DNAJC6: variants seen among roughly 807,000 people sequenced by gnomAD.
DNAJC6 encodes the protein auxilin.
Under a neutral mutation model 110.0 loss-of-function variants are expected in DNAJC6, and 34 were observed. That is an observed-to-expected ratio of 0.31 (90% CI 0.24 to 0.41). The LOEUF is 0.41. Ranked by LOEUF, DNAJC6 falls within the 10% of genes least tolerant of loss-of-function variation. The pLI is 1.00. For synonymous variants in DNAJC6, 406 were observed against 437.2 expected (o/e 0.93, Z 0.89); for missense variants, 1,031 against 1,207.8 (o/e 0.85, Z 2.17).
intron 5 of DNAJC6, among the ~76,000 whole-genome samples, chr1:65,383,135 G>A (rs1196905724): frequency 6.6e-6 from 1 of 152,204 alleles, no homozygotes; most frequent in Non-Finnish European, 1.5e-5. Flanking sequence ...TCAAGTATGA[G>A]TAATCTCCCT....
At chr1:65,407,818 T>G (rs1646091701) in intron 16 of DNAJC6, among the ~76,000 whole-genome samples, 1 of 152,242 alleles carries the variant, frequency 6.6e-6, no homozygotes, top group African/African-American at 2.4e-5. Flanking sequence ...GGTATGTGTA[T>G]GTCTTACAGT....
chr1:65,295,295 T>C (rs555106340), intron 1 of DNAJC6, among the ~76,000 whole-genome samples: 1 of 152,214 alleles, frequency 6.6e-6, no homozygotes, highest in South Asian at 2.1e-4. Context: ...TACTTCTCCC[T>C]CCTCAGCAGC....
chr1:65,366,526 A>G (rs1464828896), intron 4 of DNAJC6, among the ~76,000 whole-genome samples: 1 of 152,214 alleles, frequency 6.6e-6, no homozygotes, highest in Non-Finnish European at 1.5e-5. Flanking sequence ...GGCTGCCTTC[A>G]TGCTGTTACA....
At chr1:65,396,028 A>T (rs1048928014) in intron 13 of DNAJC6, among the ~76,000 whole-genome samples, 11 of 152,216 alleles carry the variant, frequency 7.2e-5, no homozygotes, top group African/African-American at 2.7e-4. Flanking sequence ...TCATCAGTTG[A>T]CTTTGGGAAA....
At chr1:65,387,160 A>G (rs1557555699) in intron 8 of DNAJC6, among the ~76,000 whole-genome samples, 1 of 152,202 alleles carries the variant, frequency 6.6e-6, no homozygotes, top group East Asian at 1.9e-4. Context: ...CCAGAGGATG[A>G]CAGCCCTGGA....
At chr1:65,316,046 A>C (rs180987842) in intron 1 of DNAJC6, among the ~76,000 whole-genome samples, 1 of 152,378 alleles carries the variant, frequency 6.6e-6, no homozygotes, top group Admixed American at 6.5e-5. Context: ...AAGACTTGAT[A>C]CGGCACTGAG....
intron 1 of DNAJC6, among the ~76,000 whole-genome samples, chr1:65,347,690 G>A (rs1645450291): frequency 6.6e-6 from 1 of 151,582 alleles, no homozygotes; most frequent in Non-Finnish European, 1.5e-5. Flanking sequence ...TTTCCCCGTT[G>A]TCTCCCCTCC....
At chr1:65,325,336 G>A (rs1309670466) in intron 1 of DNAJC6, among the ~76,000 whole-genome samples, 1 of 152,202 alleles carries the variant, frequency 6.6e-6, no homozygotes, top group Non-Finnish European at 1.5e-5. Context: ...AAGGAGCTTA[G>A]AAGACAGTAT....
intron 16 of DNAJC6, among the ~76,000 whole-genome samples, chr1:65,407,583 T>G (rs995390891): frequency 1.6e-4 from 25 of 152,190 alleles, no homozygotes; most frequent in African/African-American, 5.8e-4. Flanking sequence ...GTCGGGGATA[T>G]GTAACATCAT....
intron 1 of DNAJC6, among the ~76,000 whole-genome samples, chr1:65,360,023 C>G (rs1054824715): frequency 1.3e-5 from 2 of 152,102 alleles, no homozygotes; most frequent in Non-Finnish European, 2.9e-5. Context: ...AGTTTGTTAC[C>G]CCTTGATCTA....
chr1:65,331,256 A>G (rs1459701118), intron 1 of DNAJC6, among the ~76,000 whole-genome samples: 1 of 152,210 alleles, frequency 6.6e-6, no homozygotes, highest in Admixed American at 6.5e-5. Context: ...TTCCATTTCT[A>G]GGAAAAGTGG....
At chr1:65,349,127 T>A (rs11208634) in intron 1 of DNAJC6, among the ~76,000 whole-genome samples, 94,839 of 135,554 alleles carry the variant, frequency 0.7, 34,302 homozygotes, top group African/African-American at 0.89. Flanking sequence ...TATATATATA[T>A]AAATATATAT....
In DNAJC6 at chr1:65,344,846, G is replaced by A. The variant is rs147410425; in HGVS notation, c.194-19789G>A. Reference sequence around the variant, plus strand: ...TTGCTTGGTAAGCCTACCTCAAGCAGGATGGGGCTACATATGAGGATTTCC... The same window carrying A: ...TTGCTTGGTAAGCCTACCTCAAGCAAGATGGGGCTACATATGAGGATTTCC... On this transcript the variant is annotated intron_variant, in intron 1 of 18. Coordinates refer to ENST00000371069, the MANE Select transcript of DNAJC6 (RefSeq NM_001256864.2). 1.2e-4 allele frequency among the ~76,000 whole-genome samples: 19 copies of A among 152,218 alleles called. No individual in the cohort carries two copies. The East Asian group carries it at 2.7e-3, about 22-fold the overall frequency.
At position 65,355,264 on chromosome 1, in the gene DNAJC6, C is replaced by CA. The variant is rs58338708; in HGVS notation, c.194-9349dup. On this transcript the variant is annotated intron_variant, in intron 1 of 18. Transcript: ENST00000371069. ...TGGGCAAGAGAGCCACACCCTGTCT[C>CA]AAAAAAAAAAAAAAAAAAAAAAGAA... Among the ~76,000 whole-genome samples the CA allele has an allele frequency of 7.1e-3, 600 of 84,022 alleles. 5 individuals carry two copies. Among genetic ancestry groups the CA allele is most frequent in the African/African-American group, 0.015 (315 of 20,700 alleles). The allele number at this position is 84,022 out of a possible 152,430, so 55.1% of individuals were successfully genotyped here. A position where few individuals can be genotyped will look rare whatever the true frequency, so the allele number is the denominator to read the frequency against.
chr1:65,352,946 C>A (rs1645505960), intron 1 of DNAJC6, among the ~76,000 whole-genome samples: 1 of 152,162 alleles, frequency 6.6e-6, no homozygotes, highest in Admixed American at 6.5e-5. Context: ...ATATTGTCTC[C>A]CCTGTCTCTC....
intron 13 of DNAJC6, among the ~76,000 whole-genome samples, chr1:65,398,097 A>G (rs756539578): frequency 6.6e-6 from 1 of 152,230 alleles, no homozygotes; most frequent in Non-Finnish European, 1.5e-5. Flanking sequence ...TACTACGCAC[A>G]TGTATTCCTC....
intron 1 of DNAJC6, among the ~76,000 whole-genome samples, chr1:65,266,016 T>C (rs1653312246): frequency 6.6e-6 from 1 of 152,228 alleles, no homozygotes; most frequent in Non-Finnish European, 1.5e-5. Context: ...CGCTTGCCCC[T>C]TGGGCTCGGG....
chr1:65,350,312 A>G (rs1228938222), intron 1 of DNAJC6, among the ~76,000 whole-genome samples: 1 of 152,174 alleles, frequency 6.6e-6, no homozygotes, highest in Non-Finnish European at 1.5e-5. Context: ...CATTTCAGAT[A>G]TTATACTTTT....
intron 13 of DNAJC6, among the ~76,000 whole-genome samples, chr1:65,395,732 G>A (rs1459113910): frequency 2.6e-5 from 4 of 152,060 alleles, no homozygotes. Context: ...TTTTTAAAAT[G>A]TGACTGCTAG....
Sources: allele counts gnomAD v4.1 joint callset (sites outside exome capture counted in the v4.1 genomes callset), GRCh38; gene constraint gnomAD v4.1.1; transcripts MANE v1.5; gene names NCBI Gene and HGNC (gene_info 2026-07-23, HGNC 2026-07-21).